LEMD3: variants seen among roughly 807,000 people sequenced by gnomAD.
LEMD3 encodes the protein LEM domain containing 3.
Under a neutral mutation model 95.2 loss-of-function variants are expected in LEMD3, and 33 were observed. The observed-to-expected ratio is 0.35, with a 90% CI of 0.26 to 0.46. The LOEUF is 0.46. Among genes scored for constraint, LEMD3 ranks in the 20% least tolerant of loss-of-function variants. The pLI is 1.00. For missense variants in LEMD3, 1,210 were observed against 1,192.8 expected (o/e 1.01, Z -0.21); for synonymous variants, 525 against 474.6 (o/e 1.11, Z -1.38).
Position 65,180,619 on chromosome 12 carries a change from T to G in LEMD3, c.1522+9501T>G, listed in dbSNP as rs575064704. 2.6e-5 allele frequency among the ~76,000 whole-genome samples: 4 copies of G among 152,310 alleles called. No individual in the cohort carries two copies. In the East Asian group the frequency reaches 7.7e-4, roughly 29 times the overall value. ...TTACTTTTCATATGTCTTCATTTTC[T>G]TTTATGTCAAGGTATAGTTTAAAAT... is the stretch of plus-strand genomic sequence containing the variant. On this transcript the variant is annotated intron_variant, in intron 1 of 12. Coordinates refer to ENST00000308330, the MANE Select transcript of LEMD3 (RefSeq NM_014319.5).
In LEMD3 at chr12:65,197,217, A is replaced by G. The variant is rs997753489; in HGVS notation, c.1523-13709A>G. On this transcript the variant is annotated intron_variant, in intron 1 of 12. Coordinates refer to ENST00000308330, the MANE Select transcript of LEMD3 (RefSeq NM_014319.5). ...AATGGCTTCTATCTGATTTGTTTTA[A>G]TAGTAGTCATATTTCCCATCTCAAG... 7.9e-5 allele frequency among the ~76,000 whole-genome samples: 12 copies of G among 152,220 alleles called. No homozygotes were observed. The East Asian group carries it at 2.3e-3, about 29-fold the overall frequency.
chr12:65,180,364 A>G (rs1868864828), intron 1 of LEMD3, among the ~76,000 whole-genome samples: 1 of 149,154 alleles, frequency 6.7e-6, no homozygotes, highest in African/African-American at 2.4e-5. Flanking sequence ...TATTATATAT[A>G]TAGTTAATAA....
At chr12:65,183,680 G>A (rs1403814363) in intron 1 of LEMD3, among the ~76,000 whole-genome samples, 1 of 152,138 alleles carries the variant, frequency 6.6e-6, no homozygotes, top group Non-Finnish European at 1.5e-5. Flanking sequence ...TGTTTCTGTT[G>A]CACTGTTTTA....
At chr12:65,211,069 C>T in intron 2 of LEMD3, 106 bp downstream of exon 2, 1 of 846,724 alleles carries the variant, frequency 1.2e-6, no homozygotes, top group East Asian at 2.5e-5. Context: ...TTATTTTAGT[C>T]TTAAACAATA....
chr12:65,232,388 C>T (rs1870656271), intron 4 of LEMD3, among the ~76,000 whole-genome samples: 1 of 152,026 alleles, frequency 6.6e-6, no homozygotes, highest in South Asian at 2.1e-4. Context: ...AGAGCCCCTA[C>T]AAGTGTAAGC....
At chr12:65,215,694 G>A (rs1056873784) in intron 2 of LEMD3, among the ~76,000 whole-genome samples, 12 of 152,052 alleles carry the variant, frequency 7.9e-5, no homozygotes, top group Non-Finnish European at 1.3e-4. Context: ...CATTGCTTTG[G>A]TGATTGATGG....
intron 1 of LEMD3, among the ~76,000 whole-genome samples, chr12:65,205,353 C>T (rs1156855351): frequency 1.3e-5 from 2 of 152,044 alleles, no homozygotes; most frequent in African/African-American, 4.8e-5. Flanking sequence ...AAGTGTGAGA[C>T]TTTCAGATGA....
chr12:65,202,607 T>C (rs915096843), intron 1 of LEMD3, among the ~76,000 whole-genome samples: 5 of 152,176 alleles, frequency 3.3e-5, no homozygotes, highest in Non-Finnish European at 7.4e-5. Flanking sequence ...TCATATCTAC[T>C]TCTCTCTCCT....
chr12:65,193,732 C>CTG (rs746675293), intron 1 of LEMD3, among the ~76,000 whole-genome samples: 13,225 of 129,252 alleles, frequency 0.1, 799 homozygotes, highest in African/African-American at 0.18. Context: ...ACATAACTGG[C>CTG]TGTGTGTGTG....
At chr12:65,171,948 T>C (rs1868563537) in intron 1 of LEMD3, 1 of 152,248 alleles carries the variant, frequency 6.6e-6, no homozygotes, top group Non-Finnish European at 1.5e-5. Context: ...TAAAAAAATT[T>C]ACCAGACTAC....
chr12:65,235,297 A>G (rs1156709522), intron 4 of LEMD3, among the ~76,000 whole-genome samples: 1 of 151,836 alleles, frequency 6.6e-6, no homozygotes, highest in African/African-American at 2.4e-5. Context: ...TTCTAGTAGT[A>G]TATTTATAAC....
intron 1 of LEMD3, among the ~76,000 whole-genome samples, chr12:65,197,667 G>T (rs10161268): frequency 0.038 from 5,717 of 152,110 alleles, 354 homozygotes; most frequent in African/African-American, 0.13. Flanking sequence ...ATATATATCA[G>T]TTTTAAGCAC....
At chr12:65,240,499 T>C in intron 8 of LEMD3, 2 of 461,852 alleles carry the variant, frequency 4.3e-6, no homozygotes, top group South Asian at 6.0e-5. Flanking sequence ...CTCCATCTTA[T>C]TTCCTTTAAT....
At position 65,169,625 on chromosome 12, in the gene LEMD3, A is replaced by C. The variant is rs1355290688; in HGVS notation, c.29A>C (p.Gln10Pro). ...GCGGCGGCAGCAGCTTCGGCGCCTC[A>C]GCAGCTCTCGGATGAGGAGCTTTTC... MAAAAASAP[Q>P]QLSDEELFSQ... Residue 10 changes from glutamine (Q) to proline (P), a missense_variant, in exon 1 of 13, where the codon CAG becomes CCG. Physicochemically the swap from Gln to Pro is moderately conservative, Grantham distance 76. Around this residue, in one of 2 missense-constraint regions of LEMD3, gnomAD observed 749 missense variants for 622.9 expected, o/e 1.20. Transcript: ENST00000308330. 7.6e-6 allele frequency: 12 copies of C among 1,589,366 alleles called. No individual in the cohort carries two copies. Among genetic ancestry groups the C allele is most frequent in the East Asian group, 2.3e-5 (1 of 44,042 alleles).
In LEMD3 at chr12:65,231,532, T is replaced by A. The variant is rs546038999; in HGVS notation, c.1696-6970T>A. Among the ~76,000 whole-genome samples the A allele has an allele frequency of 2.0e-3, 309 of 151,626 alleles. 5 individuals are homozygous for A. In the South Asian group the frequency reaches 0.024, roughly 12 times the overall value. On this transcript the variant is annotated intron_variant, in intron 4 of 12. Coordinates refer to ENST00000308330, the MANE Select transcript of LEMD3 (RefSeq NM_014319.5). Reference sequence around the variant, plus strand: ...AGATCTTGTCTCTACAAAAAAAAAATTTTAAATAGCTAGGTGTGGTGGCAC... The same window carrying A: ...AGATCTTGTCTCTACAAAAAAAAAAATTTAAATAGCTAGGTGTGGTGGCAC...
intron 2 of LEMD3, among the ~76,000 whole-genome samples, chr12:65,214,284 C>G (rs1870035483): frequency 6.6e-6 from 1 of 152,168 alleles, no homozygotes; most frequent in Non-Finnish European, 1.5e-5. Flanking sequence ...CATGAGCCAC[C>G]ACACCCAGCC....
In LEMD3 at chr12:65,238,553, T is replaced by A. The variant is rs776761325; in HGVS notation, c.1747T>A (p.Leu583Ile). Residue 583 changes from leucine (L) to isoleucine (I), a missense_variant, in exon 5 of 13, where the codon TTA becomes ATA. Physicochemically the swap from Leu to Ile is conservative, Grantham distance 5. Coordinates refer to ENST00000308330, the MANE Select transcript of LEMD3 (RefSeq NM_014319.5). ...ATTTAACACTTCATTGCAGTGGATC[T>A]TAGAAAATGGAAAAGATGTTGGAAT... The part of the protein sequence containing the change: ...GIFNTSLQWI[L>I]ENGKDVGIRC... The A allele has an allele frequency of 6.2e-7, 1 of 1,612,468 alleles. No individual in the cohort carries two copies. Among genetic ancestry groups the A allele is most frequent in the Non-Finnish European group, 8.5e-7 (1 of 1,178,546 alleles).
intron 1 of LEMD3, among the ~76,000 whole-genome samples, chr12:65,207,279 A>C (rs1343486891): frequency 6.6e-6 from 1 of 152,092 alleles, no homozygotes; most frequent in African/African-American, 2.4e-5. Context: ...TATGCCCTCA[A>C]GTTTCTATTT....
intron 1 of LEMD3, among the ~76,000 whole-genome samples, chr12:65,196,999 G>A (rs1869454463): frequency 6.6e-6 from 1 of 152,164 alleles, no homozygotes; most frequent in Non-Finnish European, 1.5e-5. Flanking sequence ...TCTGAAGCAT[G>A]TGGGCAGTGT....
Sources: gnomAD v4.1 joint callset for allele counts (sites outside exome capture counted in the v4.1 genomes callset) on GRCh38, gnomAD v4.1.1 for gene constraint, gnomAD v4.1.1 regional missense constraint, MANE v1.5 for transcripts, NCBI Gene and HGNC (gene_info 2026-07-23, HGNC 2026-07-21) for gene names.